Variants in LTBP2 observed in about 807,000 individuals in gnomAD.
LTBP2 encodes the protein latent-transforming growth factor beta-binding protein 2.
A neutral mutation model predicts 210.6 loss-of-function variants in LTBP2; 103 were observed. The observed-to-expected ratio is 0.49, with a 90% confidence interval of 0.42 to 0.58. The LOEUF (loss-of-function observed/expected upper bound fraction) is 0.58. LTBP2 is among the 20% of genes least tolerant of loss of function. The pLI is 0.00. For synonymous variants in LTBP2, 1,007 were observed against 1,015.0 expected (o/e 0.99, Z 0.15); for missense variants, 2,313 against 2,494.5 (o/e 0.93, Z 1.55).
rs1044679202 is a variant in LTBP2 at position 74,498,773 on chromosome 14, G to A, written c.*2111C>T. On this transcript the variant is annotated 3_prime_UTR_variant, in exon 36 of 36. Coordinates refer to ENST00000261978, the MANE Select transcript of LTBP2 (RefSeq NM_000428.3). ...GCAAGGATGAGGTGAACAGACAACC[G>A]CTTCTCTTTCCCCATTCTTTAGACA... The A allele has an allele frequency of 9.1e-5, 21 of 231,056 alleles. No homozygotes were observed. In the East Asian group the frequency reaches 1.2e-3, roughly 13 times the overall value. The allele number at this position is 231,056 out of a possible 1,614,324, so 14.3% of individuals were successfully genotyped here.
chr14:74,588,448 C>T (rs778961462), intron 2 of LTBP2, among the ~76,000 whole-genome samples: 4 of 152,004 alleles, frequency 2.6e-5, no homozygotes, highest in Non-Finnish European at 2.9e-5. Flanking sequence ...CTGAAACTCC[C>T]GACCTCAGGT....
At chr14:74,587,333 G>T (rs1176800314) in intron 2 of LTBP2, among the ~76,000 whole-genome samples, 2 of 151,990 alleles carry the variant, frequency 1.3e-5, no homozygotes, top group African/African-American at 4.8e-5. Context: ...TCGAGTAAAG[G>T]ACACCAACAG....
intron 2 of LTBP2, among the ~76,000 whole-genome samples, chr14:74,591,771 G>C (rs933157306): frequency 1.3e-5 from 2 of 152,074 alleles, no homozygotes; most frequent in South Asian, 2.1e-4. Context: ...TCTATGAATG[G>C]GACAGTTCTG....
rs1226180639 is a variant in LTBP2, at chr14:74,510,140, G to A, written c.3102C>T (p.Cys1034=). 3.7e-6 allele frequency: 6 copies of A among 1,614,038 alleles called. No individual in the cohort carries two copies. The highest frequency in any genetic ancestry group is 4.2e-6 in the Non-Finnish European group (5 of 1,180,030). Residue 1034 remains cysteine, a synonymous_variant, in exon 20 of 36, where the codon TGC becomes TGT. Transcript: ENST00000261978. ...TGACCTCATAGCCCTGCTCACAAGA[G>A]CATCTGAAGGAGCCTTCTAGGTTGG... ...KCTNLEGSFR[C]SCEQGYEVTS... is the part of the protein sequence containing the mutation.
At chr14:74,581,405 G>C (rs2088134586) in intron 3 of LTBP2, among the ~76,000 whole-genome samples, 1 of 152,154 alleles carries the variant, frequency 6.6e-6, no homozygotes. Context: ...CATGACATAG[G>C]CCCCTAAAAG....
intron 26 of LTBP2, 72 bp from the exon 27 acceptor site, chr14:74,506,895 G>C: frequency 1.3e-6 from 2 of 1,597,456 alleles, no homozygotes; most frequent in Non-Finnish European, 1.7e-6. Context: ...GCGCGTGTGT[G>C]CTCACTCTCT....
rs201099163 is a variant in LTBP2, at chr14:74,508,644, C to A, written c.3612G>T (p.Ala1204=). 6 of 1,612,238 alleles carry A rather than the reference C, an allele frequency of 3.7e-6. No individual in the cohort carries two copies. Among genetic ancestry groups the A allele is most frequent in the Admixed American group, 3.3e-5 (2 of 59,990 alleles). Residue 1204 remains alanine (A), a synonymous_variant, in exon 24 of 36, where the codon GCG becomes GCT. Transcript: ENST00000261978. ...NSHGSFFCLC[A]PGFVSAEGGT... ...CCCCCTCTGCGCTGACGAAGCCAGGCGCGCACAGACAGAAGAAAGACCCGT... is the reference window on the plus strand; with the variant it reads ...CCCCCTCTGCGCTGACGAAGCCAGGAGCGCACAGACAGAAGAAAGACCCGT...
At chr14:74,604,215 G>C (rs1595304123) in intron 1 of LTBP2, among the ~76,000 whole-genome samples, 1 of 143,516 alleles carries the variant, frequency 7.0e-6, no homozygotes, top group Non-Finnish European at 1.5e-5. Context: ...CATGGTCGTT[G>C]CCCTACCAAT....
intron 3 of LTBP2, among the ~76,000 whole-genome samples, chr14:74,569,751 A>G (rs1392597192): frequency 6.6e-6 from 1 of 152,162 alleles, no homozygotes; most frequent in Non-Finnish European, 1.5e-5. Flanking sequence ...CCAAACACAC[A>G]TGACCTTATA....
chr14:74,567,590 C>T (rs1041898892), intron 3 of LTBP2, among the ~76,000 whole-genome samples: 2 of 152,116 alleles, frequency 1.3e-5, no homozygotes, highest in Non-Finnish European at 2.9e-5. Context: ...GAAAAAGAGC[C>T]CCTCTAAGTG....
At chr14:74,608,686 C>T in intron 1 of LTBP2, among the ~76,000 whole-genome samples, 1 of 124,066 alleles carries the variant, frequency 8.1e-6, no homozygotes, top group East Asian at 2.3e-4. Flanking sequence ...GCCTGAGTGA[C>T]AGGGCAAGAG....
At chr14:74,536,244 T>G (rs2087420297) in intron 8 of LTBP2, among the ~76,000 whole-genome samples, 1 of 152,150 alleles carries the variant, frequency 6.6e-6, no homozygotes, top group African/African-American at 2.4e-5. Flanking sequence ...AAATATCACA[T>G]GATCTCACTT....
intron 3 of LTBP2, among the ~76,000 whole-genome samples, chr14:74,579,305 TA>T (rs1291568583): frequency 6.6e-6 from 1 of 152,192 alleles, no homozygotes; most frequent in Non-Finnish European, 1.5e-5. Flanking sequence ...AATCTTTTGA[TA>T]GTTCCCTCCG....
intron 1 of LTBP2, among the ~76,000 whole-genome samples, chr14:74,605,080 G>A (rs2088505782): frequency 6.6e-6 from 1 of 152,178 alleles, no homozygotes; most frequent in African/African-American, 2.4e-5. Flanking sequence ...CCGGGCACTG[G>A]AACTAGAGGG....
intron 18 of LTBP2, among the ~76,000 whole-genome samples, chr14:74,516,309 G>A (rs1020178909): frequency 2.0e-5 from 3 of 146,942 alleles, no homozygotes; most frequent in Non-Finnish European, 3.0e-5. Flanking sequence ...ATGTCACAGC[G>A]CCTTCTGGCT....
chr14:74,526,118 C>A lies in LTBP2; in HGVS notation c.2389-4G>T, dbSNP rs370271125. The A allele has an allele frequency of 5.7e-5, 91 of 1,600,352 alleles. No individual in the cohort carries two copies. The highest frequency in any genetic ancestry group is 7.0e-5 in the Non-Finnish European group (82 of 1,172,856). ...CATGAGTGACACTGGTCGTGACCTG[C>A]ACAGAAACAGGAGAAGGTCACTTTT... is the stretch of plus-strand genomic sequence containing the variant. On this transcript the variant is annotated splice_region_variant and splice_polypyrimidine_tract_variant and intron_variant, in intron 13 of 35. Coordinates refer to ENST00000261978, the MANE Select transcript of LTBP2 (RefSeq NM_000428.3).
At chr14:74,529,255 G>T in intron 10 of LTBP2, 133 bp from the exon 11 acceptor site, 1 of 1,070,110 alleles carries the variant, frequency 9.3e-7, no homozygotes, top group Non-Finnish European at 1.4e-6. Flanking sequence ...CAGTTGGGAA[G>T]TTTGGAGCCC....
chr14:74,603,885 C>T (rs570170426), intron 1 of LTBP2, among the ~76,000 whole-genome samples, 180 bp from the exon 2 acceptor site: 1 of 152,284 alleles, frequency 6.6e-6, no homozygotes, highest in African/African-American at 2.4e-5. Flanking sequence ...ATTCTCTGCA[C>T]ATCCCTGGGA....
At chr14:74,555,788 G>A in intron 3 of LTBP2, 95 bp from the exon 4 acceptor site, 1 of 933,504 alleles carries the variant, frequency 1.1e-6, no homozygotes, top group Non-Finnish European at 1.5e-6. Flanking sequence ...CTTTGCACAA[G>A]AAAAATGCTC....
Sources: allele counts gnomAD v4.1 joint callset (sites outside exome capture counted in the v4.1 genomes callset), GRCh38; gene constraint gnomAD v4.1.1; transcripts MANE v1.5; gene names NCBI Gene and HGNC (gene_info 2026-07-23, HGNC 2026-07-21).